The following GATA5 variants were observed in gnomAD, a reference collection of about 807,000 sequenced individuals.
GATA5 encodes the protein GATA binding protein 5, also known as transcription factor GATA-5.
Under a neutral mutation model 35.0 loss-of-function variants are expected in GATA5, and 27 were observed. The observed-to-expected ratio is 0.77, with a 90% CI of 0.57 to 1.06. GATA5 has a LOEUF of 1.06. Ranked by LOEUF, GATA5 falls within the 50% of genes least tolerant of loss-of-function variation. The pLI is 0.00. For synonymous variants in GATA5, 306 were observed against 267.8 expected (o/e 1.14, Z -1.39); for missense variants, 612 against 580.0 (o/e 1.06, Z -0.57).
In GATA5 at chr20:62,473,463, G is replaced by T; in HGVS notation, c.639C>A (p.Cys213Ter). The T allele has an allele frequency of 6.2e-7, 1 of 1,610,994 alleles. No individual in the cohort carries two copies. The highest frequency in any genetic ancestry group is 8.5e-7 in the Non-Finnish European group (1 of 1,179,082). Residue 213 changes from cysteine (C) to a stop codon, truncating the protein, a stop_gained, in exon 3 of 7, where the codon TGC becomes TGA. Coordinates refer to ENST00000252997, the MANE Select transcript of GATA5 (RefSeq NM_080473.5). LOFTEE classifies it high-confidence loss of function. ...DGTGHYLCNA[C>*]GLYHKMNGVN... ...CGCCATTCATCTTGTGGTAGAGGCC[G>T]CAGGCATTGCACAGGTAGTGGCCGG...
At chr20:62,466,054 G>T in intron 4 of GATA5, 133 bp from the exon 5 acceptor site, 1 of 685,552 alleles carries the variant, frequency 1.5e-6, no homozygotes, top group Non-Finnish European at 2.5e-6. Flanking sequence ...GCCCTGGTGG[G>T]TCAGCTGCCA....
At chr20:62,468,996 G>A (rs2146483862) in intron 3 of GATA5, among the ~76,000 whole-genome samples, 1 of 152,330 alleles carries the variant, frequency 6.6e-6, no homozygotes, top group Admixed American at 6.5e-5. Flanking sequence ...TTTGAGTTTG[G>A]TCCAGCCTCC....
At chr20:62,467,653 T>C (rs1386913307) in intron 3 of GATA5, among the ~76,000 whole-genome samples, 3 of 152,138 alleles carry the variant, frequency 2.0e-5, no homozygotes, top group Non-Finnish European at 2.9e-5. Context: ...CTGCAGGAGC[T>C]CTCTCCTGCC....
intron 2 of GATA5, among the ~76,000 whole-genome samples, chr20:62,474,404 C>T (rs1817975044): frequency 6.6e-6 from 1 of 152,230 alleles, no homozygotes; most frequent in South Asian, 2.1e-4. Context: ...CGCCAAAGGG[C>T]CGGCGGGGTC....
At chr20:62,465,145 A>G (rs1989548964) in intron 6 of GATA5, among the ~76,000 whole-genome samples, 154 bp from the exon 7 acceptor site, 1 of 152,136 alleles carries the variant, frequency 6.6e-6, no homozygotes, top group Non-Finnish European at 1.5e-5. Context: ...ACCCCACGTG[A>G]GGCACTGGGG....
chr20:62,475,510 G>T lies in GATA5; in HGVS notation c.12C>A (p.Ser4Arg). The change falls in exon 2 of 7, where the codon AGC becomes AGA. Residue 4 changes from serine to arginine, a missense_variant. Ser to Arg is a moderately radical substitution (Grantham distance 110, BLOSUM62 -1). Coordinates refer to ENST00000252997, the MANE Select transcript of GATA5 (RefSeq NM_080473.5). Reference protein sequence around the residue: MYQSLALAASPRQA... With the variant: MYQRLALAASPRQA... Reference sequence around the variant, plus strand: ...GGCGGGGGCTCGCGGCCAGCGCCAGGCTCTGGTACATCCTCCCAGGCGTGG... The same window carrying T: ...GGCGGGGGCTCGCGGCCAGCGCCAGTCTCTGGTACATCCTCCCAGGCGTGG... 1 of 1,322,042 alleles carries T rather than the reference G, an allele frequency of 7.6e-7. No individual in the cohort carries two copies. The highest frequency in any genetic ancestry group is 9.6e-7 in the Non-Finnish European group (1 of 1,037,890). 81.9% of individuals were successfully genotyped at this position (1,322,042 alleles called of 1,614,324 possible).
At chr20:62,466,398 C>T (rs1425412793) in intron 4 of GATA5, 28 bp downstream of exon 4, 1 of 1,557,584 alleles carries the variant, frequency 6.4e-7, no homozygotes, top group Non-Finnish European at 8.7e-7. Context: ...CAGAGGCCTC[C>T]CCGCCCTGCC....
Position 62,466,421 on chromosome 20 carries a change from C to T in GATA5, c.825+5G>A. On this transcript the variant is annotated splice_donor_5th_base_variant and intron_variant, in intron 4 of 6. Transcript: ENST00000252997. Reference sequence around the variant, plus strand: ...TCCCCGCCCTGCCCCGGGGACCACACTCACCCCGTGCAGCTTCATGTAGAG... The same window carrying T: ...TCCCCGCCCTGCCCCGGGGACCACATTCACCCCGTGCAGCTTCATGTAGAG... 6.3e-7 allele frequency: 1 copy of T among 1,581,194 alleles called. No individual in the cohort carries two copies.
chr20:62,473,004 G>A (rs1989758782), intron 3 of GATA5, among the ~76,000 whole-genome samples: 1 of 152,204 alleles, frequency 6.6e-6, no homozygotes, highest in Non-Finnish European at 1.5e-5. Context: ...GTCACCTTGA[G>A]GCCTCCGAGA....
At chr20:62,471,457 G>T in intron 3 of GATA5, among the ~76,000 whole-genome samples, 1 of 23,152 alleles carries the variant, frequency 4.3e-5, no homozygotes. Context: ...TTTGTGATGA[G>T]GTCTTGCTCT....
intron 4 of GATA5, 108 bp downstream of exon 4, chr20:62,466,318 T>G: frequency 3.1e-6 from 4 of 1,280,286 alleles, no homozygotes; most frequent in Non-Finnish European, 4.2e-6. Flanking sequence ...CAGGGGACAA[T>G]AGCCATCCTG....
chr20:62,473,248 G>A (rs543805436), intron 3 of GATA5, among the ~76,000 whole-genome samples, 155 bp downstream of exon 3: 11 of 152,252 alleles, frequency 7.2e-5, no homozygotes, highest in Non-Finnish European at 1.5e-4. Flanking sequence ...GACCTGAGCC[G>A]GCCTGACCTG....
In GATA5 at chr20:62,475,439, G is replaced by C; in HGVS notation, c.83C>G (p.Ala28Gly). The C allele has an allele frequency of 1.5e-6, 2 of 1,357,276 alleles. 1 individual carries two copies. Among genetic ancestry groups the C allele is most frequent in the South Asian group, 3.8e-5 (2 of 52,066 alleles). The allele number at this position is 1,357,276 out of a possible 1,614,324, so 84.1% of individuals were successfully genotyped here. A position where few individuals can be genotyped will look rare whatever the true frequency, so the allele number is the denominator to read the frequency against. The change falls in exon 2 of 7, where the codon GCC becomes GGC. Residue 28 changes from alanine (A) to glycine (G), a missense_variant. By Grantham distance (60) the Ala-to-Gly change is moderately conservative (BLOSUM62 0). Coordinates refer to ENST00000252997, the MANE Select transcript of GATA5 (RefSeq NM_080473.5). ...DSGSFLHAPG[A>G]GSPMFVPPAR... ...CGGCGGCACAAACATCGGAGAGCCG[G>C]CGCCCGGAGCGTGCAGGAAGGAGCC...
chr20:62,465,129 T>A, intron 6 of GATA5, 138 bp from the exon 7 acceptor site: 1 of 899,530 alleles, frequency 1.1e-6, no homozygotes, highest in Non-Finnish European at 1.6e-6. Context: ...TGGAATGGCA[T>A]GGGGGACCCC....
chr20:62,468,138 G>A (rs1035205269), intron 3 of GATA5, among the ~76,000 whole-genome samples: 2 of 144,194 alleles, frequency 1.4e-5, no homozygotes, highest in Admixed American at 6.8e-5. Flanking sequence ...AGCCAGCCTC[G>A]GCTTCCCCGT....
Position 62,465,849 on chromosome 20 carries a change from C to A in GATA5, c.898G>T (p.Ala300Ser). 5.7e-6 allele frequency: 9 copies of A among 1,591,768 alleles called. No individual in the cohort carries two copies. Among genetic ancestry groups the A allele is most frequent in the Non-Finnish European group, 6.8e-6 (8 of 1,168,904 alleles). The change falls in exon 5 of 7, where the codon GCC becomes TCC. Residue 300 changes from alanine to serine, a missense_variant. Transcript: ENST00000252997. ...GGCCACGCACCTGAGGAGCCCCTGG[C>A]CTTGGCGATGGTCTTTGGCTTCCGC... Reference protein sequence around the residue: ...RKRKPKTIAKARGSSGSTRNA... With the variant: ...RKRKPKTIAKSRGSSGSTRNA...
At chr20:62,465,740 C>T in intron 5 of GATA5, 94 bp downstream of exon 5, 1 of 1,059,962 alleles carries the variant, frequency 9.4e-7, no homozygotes, top group Non-Finnish European at 1.4e-6. Flanking sequence ...GAGGACTGTG[C>T]TTGAACCAAA....
rs1308362414 is a variant in GATA5 at position 62,464,769 on chromosome 20, G to C, written c.*67C>G. The C allele has an allele frequency of 1.8e-5, 25 of 1,362,494 alleles. No individual in the cohort carries two copies. The highest frequency in any genetic ancestry group is 2.5e-5 in the Non-Finnish European group (25 of 1,007,234). 84.4% of individuals were successfully genotyped at this position (1,362,494 alleles called of 1,614,324 possible). A position where few individuals can be genotyped will look rare whatever the true frequency, so the allele number is the denominator to read the frequency against. On this transcript the variant is annotated 3_prime_UTR_variant, in exon 7 of 7. Coordinates refer to ENST00000252997, the MANE Select transcript of GATA5 (RefSeq NM_080473.5). Reference sequence around the variant, plus strand: ...GTCTCTGCTGTGCTGGAGCAAAGCAGGCACGGAGGTGACTCAGTGGGTGGT... The same window carrying C: ...GTCTCTGCTGTGCTGGAGCAAAGCACGCACGGAGGTGACTCAGTGGGTGGT...
chr20:62,466,526 C>G lies in GATA5; in HGVS notation c.725G>C (p.Cys242Ser), dbSNP rs1555896114. The change falls in exon 4 of 7, where the codon TGC (cysteine) becomes TCC (serine). Residue 242 changes from cysteine (C) to serine (S), a missense_variant. By Grantham distance (112) the Cys-to-Ser change is moderately radical. Coordinates refer to ENST00000252997, the MANE Select transcript of GATA5 (RefSeq NM_080473.5). Reference sequence around the variant, plus strand: ...GTTGGTCGTGTGGCAGTTGGTGCAGCAGAGGCCGGCGCGGCGGGACGAGGA... The same window carrying G: ...GTTGGTCGTGTGGCAGTTGGTGCAGGAGAGGCCGGCGCGGCGGGACGAGGA... ...RLSSSRRAGL[C>S]CTNCHTTNTT... The G allele has an allele frequency of 1.3e-6, 2 of 1,558,806 alleles. No individual in the cohort carries two copies. The highest frequency in any genetic ancestry group is 2.7e-5 in the African/African-American group (2 of 73,558).
Sources: gnomAD v4.1 joint callset for allele counts (sites outside exome capture counted in the v4.1 genomes callset) on GRCh38, gnomAD v4.1.1 for gene constraint, MANE v1.5 for transcripts, NCBI Gene and HGNC (gene_info 2026-07-23, HGNC 2026-07-21) for gene names.